Variants in WIPF1 observed in about 807,000 individuals in gnomAD.
The protein encoded by WIPF1 is WAS/WASL interacting protein family member 1.
A neutral mutation model predicts 35.4 loss-of-function variants in WIPF1; 13 were observed. The observed-to-expected ratio is 0.37, with a 90% CI of 0.24 to 0.58. The LOEUF (loss-of-function observed/expected upper bound fraction) is 0.58. Ranked by LOEUF, WIPF1 falls within the 20% of genes least tolerant of loss-of-function variation. The probability of loss-of-function intolerance (pLI) is 0.74; values close to 1 mark genes in which losing one functional copy is unlikely to be tolerated. For synonymous variants in WIPF1, 267 were observed against 266.3 expected (o/e 1.00, Z -0.02); for missense variants, 591 against 667.0 (o/e 0.89, Z 1.25).
intron 1 of WIPF1, chr2:174,665,627 G>A (rs557320306): frequency 2.6e-5 from 4 of 152,226 alleles, no homozygotes; most frequent in East Asian, 3.9e-4. Flanking sequence ...GGTTGCAACC[G>A]GCTTTTTCTT....
chr2:174,636,467 T>A (rs1419871180), intron 1 of WIPF1, among the ~76,000 whole-genome samples: 1 of 152,186 alleles, frequency 6.6e-6, no homozygotes, highest in Non-Finnish European at 1.5e-5. Context: ...GTCTCCCCTA[T>A]TATTAACTTC....
intron 1 of WIPF1, among the ~76,000 whole-genome samples, chr2:174,660,823 C>T (rs940772721): frequency 1.3e-5 from 2 of 152,230 alleles, no homozygotes; most frequent in African/African-American, 4.8e-5. Flanking sequence ...AGCAGTGCCA[C>T]TCTCACAGCA....
chr2:174,678,946 A>G (rs1688192772), intron 1 of WIPF1, among the ~76,000 whole-genome samples: 1 of 152,258 alleles, frequency 6.6e-6, no homozygotes, highest in South Asian at 2.1e-4. Flanking sequence ...CATCGAAAGC[A>G]GTTCCTGCGT....
At chr2:174,650,965 C>T (rs561521046) in intron 1 of WIPF1, among the ~76,000 whole-genome samples, 26 of 152,372 alleles carry the variant, frequency 1.7e-4, no homozygotes, top group African/African-American at 5.3e-4. Flanking sequence ...AGGAACACAA[C>T]TTTTGATTCA....
intron 1 of WIPF1, among the ~76,000 whole-genome samples, chr2:174,641,183 T>C (rs1687286287): frequency 6.6e-6 from 1 of 152,198 alleles, no homozygotes; most frequent in Middle Eastern, 3.2e-3. Flanking sequence ...CTGGGAACAT[T>C]GGATATCCAT....
chr2:174,581,399 G>C lies in WIPF1; in HGVS notation c.92C>G (p.Ala31Gly). The part of the protein sequence containing the change: ...EKPTLNKTEQ[A>G]GRNALLSDIS... ...ATCAGAAAGGAGAGCATTTCTCCCA[G>C]CCTGCTCTGTCTTATTCAAGGTAGG... Residue 31 changes from alanine (A) to glycine (G), a missense_variant, in exon 3 of 8, where the codon GCT (alanine) becomes GGT (glycine). Ala to Gly is a moderately conservative substitution (Grantham distance 60). Transcript: ENST00000679041. 3 of 1,613,948 alleles carry C rather than the reference G, an allele frequency of 1.9e-6. No individual in the cohort carries two copies. Among genetic ancestry groups the C allele is most frequent in the Non-Finnish European group, 2.5e-6 (3 of 1,179,968 alleles).
intron 1 of WIPF1, among the ~76,000 whole-genome samples, chr2:174,675,745 C>T (rs917346691): frequency 1.3e-5 from 2 of 151,874 alleles, no homozygotes; most frequent in African/African-American, 2.4e-5. Context: ...ATACTGAGCA[C>T]CTGGACTTGT....
intron 1 of WIPF1, among the ~76,000 whole-genome samples, chr2:174,611,671 C>T (rs1373226775): frequency 6.6e-6 from 1 of 152,168 alleles, no homozygotes; most frequent in Non-Finnish European, 1.5e-5. Flanking sequence ...AATTCCCTTT[C>T]CTGGGATAAG....
chr2:174,677,808 C>T (rs1160937484), intron 1 of WIPF1, among the ~76,000 whole-genome samples: 3 of 152,092 alleles, frequency 2.0e-5, no homozygotes, highest in Middle Eastern at 3.2e-3. Context: ...CAACAGCATA[C>T]GAAAGGAAAG....
In WIPF1 at chr2:174,640,303, A is replaced by G. The variant is rs577059209; in HGVS notation, c.-39+42471T>C. ...TCATAGGTGGGAATTGAACAATGAG[A>G]ACACATGGACACAGGAAGGGGAACA... On this transcript the variant is annotated intron_variant, in intron 1 of 8. Coordinates refer to the WIPF1 transcript ENST00000272746. Among the ~76,000 whole-genome samples, 5 of 137,360 alleles carry G rather than the reference A, an allele frequency of 3.6e-5. No individual in the cohort carries two copies. The South Asian group carries it at 7.3e-4, about 20-fold the overall frequency. 90.1% of individuals were successfully genotyped at this position (137,360 alleles called of 152,430 possible).
At chr2:174,606,419 A>C (rs1013045974) in intron 1 of WIPF1, among the ~76,000 whole-genome samples, 2 of 152,238 alleles carry the variant, frequency 1.3e-5, no homozygotes, top group Non-Finnish European at 2.9e-5. Flanking sequence ...AGTCTTCAGA[A>C]ACTGGTGTTT....
At chr2:174,600,024 C>T (rs565818953), upstream of WIPF1, among the ~76,000 whole-genome samples, 9 of 152,296 alleles carry the variant, frequency 5.9e-5, no homozygotes, top group South Asian at 1.7e-3. Context: ...ATAAGGAGCT[C>T]GCATGCACAG....
chr2:174,602,590 A>G (rs1226421037), upstream of WIPF1, among the ~76,000 whole-genome samples: 1 of 152,224 alleles, frequency 6.6e-6, no homozygotes, highest in Non-Finnish European at 1.5e-5. Context: ...GTAAGAATCT[A>G]TTTTCAAAAT....
At chr2:174,651,339 T>TA (rs1031029351) in intron 1 of WIPF1, among the ~76,000 whole-genome samples, 20 of 151,688 alleles carry the variant, frequency 1.3e-4, no homozygotes, top group South Asian at 6.3e-4. Context: ...CTATCTTTTT[T>TA]AAAAAAAAAC....
intron 7 of WIPF1, among the ~76,000 whole-genome samples, chr2:174,565,304 AG>A (rs1684623787): frequency 1.3e-5 from 2 of 152,338 alleles, no homozygotes; most frequent in Non-Finnish European, 2.9e-5. Context: ...AAATCTTTTC[AG>A]GAATTAAAGT....
At chr2:174,661,242 G>A (rs1019394274) in intron 1 of WIPF1, among the ~76,000 whole-genome samples, 1 of 152,224 alleles carries the variant, frequency 6.6e-6, no homozygotes, top group African/African-American at 2.4e-5. Flanking sequence ...AGAGCTGGGT[G>A]GAGATGGGAT....
At chr2:174,674,123 A>T (rs866624273) in intron 1 of WIPF1, among the ~76,000 whole-genome samples, 1 of 152,264 alleles carries the variant, frequency 6.6e-6, no homozygotes, top group African/African-American at 2.4e-5. Context: ...TAATGAACTC[A>T]GCAACGGCAA....
rs367768622 is a variant in WIPF1 at position 174,671,360 on chromosome 2, A to C, written c.-39+11414T>G. 6.6e-5 allele frequency among the ~76,000 whole-genome samples: 10 copies of C among 152,312 alleles called. No homozygotes were observed. In the East Asian group the frequency reaches 9.6e-4, roughly 15 times the overall value. On this transcript the variant is annotated intron_variant, in intron 1 of 8. Transcript: ENST00000272746. ...AATCTCTTAATCCCGTCATTTTCGT[A>C]AGCTGAGGATGTATGTTGCCTCAGG...
At chr2:174,630,004 T>C (rs970120002) in intron 1 of WIPF1, 6 of 152,236 alleles carry the variant, frequency 3.9e-5, no homozygotes, top group African/African-American at 1.4e-4. Flanking sequence ...AGTCTGAAGA[T>C]AGCAGTATTC....
Sources: gnomAD v4.1 joint callset for allele counts (sites outside exome capture counted in the v4.1 genomes callset) on GRCh38, gnomAD v4.1.1 for gene constraint, MANE v1.5 for transcripts, NCBI Gene and HGNC (gene_info 2026-07-23, HGNC 2026-07-21) for gene names.